RILPL1: variants seen among roughly 807,000 people sequenced by gnomAD.
RILPL1 encodes the protein Rab interacting lysosomal protein like 1.
Under a neutral mutation model 50.3 loss-of-function variants are expected in RILPL1, and 33 were observed. The ratio of observed to expected loss-of-function variants is 0.66; its 90% CI spans 0.50 to 0.88. The LOEUF is 0.88. RILPL1 is among the 40% of genes least tolerant of loss of function. The probability of loss-of-function intolerance (pLI) is 0.00; values close to 1 mark genes in which losing one functional copy is unlikely to be tolerated. For synonymous variants in RILPL1, 205 were observed against 228.6 expected (o/e 0.90, Z 0.93); for missense variants, 418 against 542.5 (o/e 0.77, Z 2.28).
At chr12:123,502,080 CAAAAAAAAA>C (rs35609573) in intron 2 of RILPL1, among the ~76,000 whole-genome samples, 11 of 98,538 alleles carry the variant, frequency 1.1e-4, no homozygotes, top group Non-Finnish European at 2.4e-4. Flanking sequence ...AACTTCGTCT[CAAAAAAAAA>C]AAAAAAAAGG....
At chr12:123,512,059 G>GAGGTT (rs1884322753) in intron 2 of RILPL1, among the ~76,000 whole-genome samples, 5 of 134,974 alleles carry the variant, frequency 3.7e-5, no homozygotes, top group Non-Finnish European at 7.9e-5. Context: ...AGGTCTGTGT[G>GAGGTT]TGGTGTGTGA....
rs1881232470 is a variant in RILPL1 at position 123,472,190 on chromosome 12, C to T, written c.*348G>A. The T allele has an allele frequency of 1.6e-5, 4 of 255,414 alleles. No individual in the cohort carries two copies. In the South Asian group the frequency reaches 2.8e-4, roughly 18 times the overall value. The allele number at this position is 255,414 out of a possible 1,614,324, so 15.8% of individuals were successfully genotyped here. A position where few individuals can be genotyped will look rare whatever the true frequency, so the allele number is the denominator to read the frequency against. ...ACATAGCATTTTATACAAAGCAAGT[C>T]AAACAGCAATGATAGTGGCAAGTGA... On this transcript the variant is annotated 3_prime_UTR_variant, in exon 7 of 7. Coordinates refer to ENST00000376874, the MANE Select transcript of RILPL1 (RefSeq NM_178314.5).
intron 6 of RILPL1, chr12:123,473,879 A>G (rs990229351): frequency 1.4e-4 from 21 of 151,694 alleles, no homozygotes; most frequent in African/African-American, 5.1e-4. Context: ...CCTGCAAGGT[A>G]GTCCATTTAT....
intron 6 of RILPL1, among the ~76,000 whole-genome samples, chr12:123,481,092 C>G (rs1041804942): frequency 6.6e-6 from 1 of 152,262 alleles, no homozygotes; most frequent in East Asian, 1.9e-4. Flanking sequence ...CGCGGTGGCT[C>G]ACGCCTGTAA....
chr12:123,526,551 G>A (rs1183361653), intron 1 of RILPL1, among the ~76,000 whole-genome samples: 1 of 152,314 alleles, frequency 6.6e-6, no homozygotes, highest in South Asian at 2.1e-4. Context: ...CCGGCACCCA[G>A]AAAGCACTAA....
chr12:123,488,174 C>T (rs1432528450), intron 4 of RILPL1, among the ~76,000 whole-genome samples: 1 of 152,110 alleles, frequency 6.6e-6, no homozygotes, highest in Admixed American at 6.6e-5. Context: ...CACCGTGGCT[C>T]ACACTCCTAA....
In RILPL1 at chr12:123,470,473, CAAAAAA is replaced by C. The variant is rs57574691; in HGVS notation, c.*2059_*2064del. 7.0e-5 allele frequency: 6 copies of C among 86,190 alleles called. No homozygotes were observed. The highest frequency in any genetic ancestry group is 4.2e-4 in the South Asian group (1 of 2,362). The allele number at this position is 86,190 out of a possible 1,614,324, so 5.3% of individuals were successfully genotyped here. On this transcript the variant is annotated 3_prime_UTR_variant, in exon 7 of 7. Coordinates refer to ENST00000376874, the MANE Select transcript of RILPL1 (RefSeq NM_178314.5). ...AGGTGACAGAGTGAGACCCTGTGTC[CAAAAAA>C]AAAAAAAAAAAAAAGGCCAGCCACA...
chr12:123,477,978 T>A (rs1881707316), intron 6 of RILPL1, among the ~76,000 whole-genome samples: 2 of 136,232 alleles, frequency 1.5e-5, no homozygotes, highest in African/African-American at 2.7e-5. Context: ...AGTTACTCCA[T>A]CTGTATGTCT....
chr12:123,508,126 G>T (rs1234046917), intron 2 of RILPL1, among the ~76,000 whole-genome samples: 1 of 152,126 alleles, frequency 6.6e-6, no homozygotes, highest in Admixed American at 6.6e-5. Flanking sequence ...AGGCATGGTG[G>T]CGCATGCCTG....
At chr12:123,512,601 C>CTG (rs1884404160) in intron 2 of RILPL1, among the ~76,000 whole-genome samples, 1 of 96,274 alleles carries the variant, frequency 1.0e-5, no homozygotes, top group African/African-American at 4.2e-5. Flanking sequence ...TGTGTGAGAT[C>CTG]TGTATGTGTG....
At chr12:123,517,711 C>T (rs990592214) in intron 2 of RILPL1, among the ~76,000 whole-genome samples, 26 of 152,078 alleles carry the variant, frequency 1.7e-4, no homozygotes, top group African/African-American at 6.3e-4. Flanking sequence ...CATGAGCCAC[C>T]GCGCTTCTGA....
chr12:123,498,512 G>C lies in RILPL1; in HGVS notation c.801+32C>G. 6.3e-7 allele frequency: 1 copy of C among 1,596,698 alleles called. No homozygotes were observed. The highest frequency in any genetic ancestry group is 8.6e-7 in the Non-Finnish European group (1 of 1,166,624). On this transcript the variant is annotated intron_variant, in intron 4 of 6. Coordinates refer to ENST00000376874, the MANE Select transcript of RILPL1 (RefSeq NM_178314.5). The surrounding 1 kb of genome is among the most constrained non-coding windows in gnomAD (Gnocchi z 4.3). ...AAGCCAACCCCCAGACTGACCCTCT[G>C]CTACCACCTCTGCACCCAGCTTCCT...
At chr12:123,506,597 G>A (rs997651570) in intron 2 of RILPL1, among the ~76,000 whole-genome samples, 2 of 152,198 alleles carry the variant, frequency 1.3e-5, no homozygotes, top group Admixed American at 6.5e-5. Context: ...CCAAGGCACT[G>A]GGAGGCCCCG....
Position 123,471,510 on chromosome 12 carries a change from G to A in RILPL1, c.*1028C>T, listed in dbSNP as rs1881188737. On this transcript the variant is annotated 3_prime_UTR_variant, in exon 7 of 7. Coordinates refer to ENST00000376874, the MANE Select transcript of RILPL1 (RefSeq NM_178314.5). ...GCCCTGGATGCTTGGCGGGTGGAGA[G>A]AAAGACAGTGTTATGTGGGCAAGCC... 6.6e-6 allele frequency: 1 copy of A among 152,290 alleles called. No individual in the cohort carries two copies. Among genetic ancestry groups the A allele is most frequent in the Non-Finnish European group, 1.5e-5 (1 of 68,106 alleles). The allele number at this position is 152,290 out of a possible 1,614,324, so 9.4% of individuals were successfully genotyped here. A position where few individuals can be genotyped will look rare whatever the true frequency, so the allele number is the denominator to read the frequency against.
chr12:123,480,571 G>A (rs556442346), intron 6 of RILPL1, among the ~76,000 whole-genome samples: 1 of 152,134 alleles, frequency 6.6e-6, no homozygotes, highest in East Asian at 1.9e-4. Flanking sequence ...GGCTCATGAA[G>A]CTTCTTGCAG....
chr12:123,503,684 C>G (rs539473219), intron 2 of RILPL1, among the ~76,000 whole-genome samples: 1 of 152,160 alleles, frequency 6.6e-6, no homozygotes, highest in Non-Finnish European at 1.5e-5. Flanking sequence ...TGGGCTCACC[C>G]AAGTAAGCCA....
intron 1 of RILPL1, among the ~76,000 whole-genome samples, chr12:123,525,195 C>T (rs1431992877): frequency 6.6e-6 from 1 of 151,658 alleles, no homozygotes; most frequent in Admixed American, 6.6e-5. Flanking sequence ...CTGCAAAACT[C>T]TAAAAACCAC....
At chr12:123,511,757 G>GGT (rs1884259482) in intron 2 of RILPL1, among the ~76,000 whole-genome samples, 1 of 131,200 alleles carries the variant, frequency 7.6e-6, no homozygotes, top group South Asian at 2.7e-4. Flanking sequence ...GTCTGTGTGT[G>GGT]GTGTGTGAGG....
At chr12:123,490,788 T>C (rs1028176538) in intron 4 of RILPL1, among the ~76,000 whole-genome samples, 1 of 150,170 alleles carries the variant, frequency 6.7e-6, no homozygotes, top group African/African-American at 2.5e-5. Flanking sequence ...TTTGCTCTTG[T>C]TGCCCAGGCT....
Sources: allele counts gnomAD v4.1 joint callset (sites outside exome capture counted in the v4.1 genomes callset), GRCh38; gene constraint gnomAD v4.1.1; non-coding constraint Gnocchi (gnomAD v3.1); transcripts MANE v1.5; gene names NCBI Gene and HGNC (gene_info 2026-07-23, HGNC 2026-07-21).